TTC27: variants seen among roughly 807,000 people sequenced by gnomAD.
The protein encoded by TTC27 is tetratricopeptide repeat domain 27, also known as tetratricopeptide repeat protein 27.
Under a neutral mutation model 115.9 loss-of-function variants are expected in TTC27, and 79 were observed. The observed-to-expected ratio is 0.68, with a 90% CI of 0.57 to 0.82. The LOEUF (loss-of-function observed/expected upper bound fraction) is 0.82. Among genes scored for constraint, TTC27 ranks in the 40% least tolerant of loss-of-function variants. The pLI, the probability that TTC27 is intolerant of heterozygous loss-of-function variation, is 0.00. For missense variants in TTC27, 1,054 were observed against 993.1 expected (o/e 1.06, Z -0.82); for synonymous variants, 401 against 356.0 (o/e 1.13, Z -1.42).
At chr2:32,635,851 C>A (rs1664404306) in intron 3 of TTC27, among the ~76,000 whole-genome samples, 1 of 152,084 alleles carries the variant, frequency 6.6e-6, no homozygotes, top group African/African-American at 2.4e-5. Context: ...CTTAGTGAGT[C>A]ACTATATATA....
At chr2:32,702,956 A>G in intron 10 of TTC27, 36 bp downstream of exon 10, 1 of 1,413,362 alleles carries the variant, frequency 7.1e-7, no homozygotes, top group Non-Finnish European at 1.0e-6. Context: ...TGCTTCTTCC[A>G]ACTCTCTATT....
At chr2:32,765,483 G>A (rs1326343193) in intron 13 of TTC27, among the ~76,000 whole-genome samples, 1 of 151,952 alleles carries the variant, frequency 6.6e-6, no homozygotes, top group Non-Finnish European at 1.5e-5. Context: ...AGGCAGAGTA[G>A]GTTTAGCCTA....
At chr2:32,761,004 A>G (rs1203161197) in intron 13 of TTC27, among the ~76,000 whole-genome samples, 1 of 152,100 alleles carries the variant, frequency 6.6e-6, no homozygotes, top group Admixed American at 6.5e-5. Context: ...AGTTCCAACT[A>G]TACACTGACA....
At position 32,664,403 on chromosome 2, in the gene TTC27, C is replaced by G; in HGVS notation, c.741C>G (p.Tyr247Ter). ...CAYVFLYYYE[Y>*]RKAKDQLDIA... ...ATGTGTTTTTATATTATTATGAGTA[C>G]AGAAAAGCAAAAGATCAGTTGGATA... Residue 247 changes from tyrosine (Y) to a stop codon, truncating the protein, a stop_gained, in exon 6 of 20, where the codon TAC becomes TAG. Coordinates refer to ENST00000317907, the MANE Select transcript of TTC27 (RefSeq NM_017735.5). LOFTEE classifies it high-confidence loss of function. 1 of 1,612,412 alleles carries G rather than the reference C, an allele frequency of 6.2e-7. No individual in the cohort carries two copies. Among genetic ancestry groups the G allele is most frequent in the South Asian group, 1.1e-5 (1 of 90,546 alleles).
At chr2:32,729,763 G>C (rs954177607) in intron 10 of TTC27, among the ~76,000 whole-genome samples, 1 of 152,016 alleles carries the variant, frequency 6.6e-6, no homozygotes, top group Non-Finnish European at 1.5e-5. Flanking sequence ...AGAGTAGACT[G>C]TCTTGCTTCA....
intron 16 of TTC27, among the ~76,000 whole-genome samples, chr2:32,808,827 A>G (rs1464701350): frequency 6.6e-6 from 1 of 152,226 alleles, no homozygotes; most frequent in Non-Finnish European, 1.5e-5. Flanking sequence ...TGTACATGTT[A>G]GTAACTATTT....
intron 12 of TTC27, among the ~76,000 whole-genome samples, chr2:32,744,344 T>G (rs573051923): frequency 1.7e-3 from 260 of 152,360 alleles, no homozygotes; most frequent in Middle Eastern, 3.4e-3. Flanking sequence ...AAATTTAGTT[T>G]TGATCTTCTA....
chr2:32,668,343 T>C (rs1324233541), intron 7 of TTC27, among the ~76,000 whole-genome samples: 1 of 146,086 alleles, frequency 6.8e-6, no homozygotes, highest in Non-Finnish European at 1.5e-5. Context: ...ATCATTGAAC[T>C]CCAGCCTGGG....
At chr2:32,775,804 GA>G (rs1215914280) in intron 13 of TTC27, among the ~76,000 whole-genome samples, 1 of 152,066 alleles carries the variant, frequency 6.6e-6, no homozygotes, top group African/African-American at 2.4e-5. Flanking sequence ...AAATGGTGGG[GA>G]AAAAAGTACA....
chr2:32,645,198 C>T (rs1275392696), intron 4 of TTC27, among the ~76,000 whole-genome samples: 1 of 152,116 alleles, frequency 6.6e-6, no homozygotes, highest in Non-Finnish European at 1.5e-5. Context: ...TTTCCCACAA[C>T]CCCTAATCTG....
intron 16 of TTC27, among the ~76,000 whole-genome samples, chr2:32,803,518 T>G (rs1558352424): frequency 6.6e-6 from 1 of 152,204 alleles, no homozygotes; most frequent in Non-Finnish European, 1.5e-5. Flanking sequence ...CATATTAGGA[T>G]CCAACCCACT....
intron 14 of TTC27, among the ~76,000 whole-genome samples, chr2:32,782,095 C>T (rs951521745): frequency 1.3e-5 from 2 of 151,976 alleles, no homozygotes; most frequent in African/African-American, 4.8e-5. Context: ...ATAAATTTAA[C>T]CTGATTAAGC....
At chr2:32,789,815 G>A (rs1162922199) in intron 16 of TTC27, among the ~76,000 whole-genome samples, 1 of 150,688 alleles carries the variant, frequency 6.6e-6, no homozygotes, top group Non-Finnish European at 1.5e-5. Flanking sequence ...GGCTACTCGG[G>A]AGGCTGAGGT....
chr2:32,741,294 C>A (rs184033637), intron 12 of TTC27, among the ~76,000 whole-genome samples: 4 of 152,092 alleles, frequency 2.6e-5, no homozygotes, highest in Non-Finnish European at 5.9e-5. Flanking sequence ...TCTGGTACCC[C>A]ATTTGTTGGC....
intron 10 of TTC27, among the ~76,000 whole-genome samples, chr2:32,706,607 C>T (rs1327920802): frequency 6.6e-6 from 1 of 152,098 alleles, no homozygotes; most frequent in African/African-American, 2.4e-5. Context: ...TCTTGTCGCC[C>T]AGGCTGGAGT....
intron 10 of TTC27, among the ~76,000 whole-genome samples, chr2:32,725,109 C>T (rs1452790041): frequency 6.6e-6 from 1 of 152,150 alleles, no homozygotes; most frequent in Admixed American, 6.5e-5. Flanking sequence ...GGGTCCCTCC[C>T]ACAACATGTG....
In TTC27 at chr2:32,692,036, G is replaced by GTTTTTTTTTTTTTTTTT. The variant is rs779547700; in HGVS notation, c.1120-10761_1120-10745dup. Among the ~76,000 whole-genome samples, 211 of 61,210 alleles carry GTTTTTTTTTTTTTTTTT rather than the reference G, an allele frequency of 3.4e-3. 40 individuals are homozygous for GTTTTTTTTTTTTTTTTT. The highest frequency in any genetic ancestry group is 6.7e-3 in the East Asian group (11 of 1,652). 40.2% of individuals were successfully genotyped at this position (61,210 alleles called of 152,430 possible). On this transcript the variant is annotated intron_variant, in intron 9 of 19. Transcript: ENST00000317907. ...GGGATATTCTTTTTTAATTTTTTAG[G>GTTTTTTTTTTTTTTTTT]TTTTTTTTTTTTTTTTTTTTTTTTT... is the stretch of plus-strand genomic sequence containing the variant.
intron 15 of TTC27, among the ~76,000 whole-genome samples, chr2:32,785,974 C>A (rs765617763): frequency 1.3e-5 from 2 of 152,070 alleles, no homozygotes; most frequent in Non-Finnish European, 2.9e-5. Flanking sequence ...TTCATTTCTC[C>A]CTGTTTTTGT....
chr2:32,703,798 G>T (rs1018285831), intron 10 of TTC27, among the ~76,000 whole-genome samples: 1 of 152,150 alleles, frequency 6.6e-6, no homozygotes, highest in Non-Finnish European at 1.5e-5. Context: ...GTAGGATTTC[G>T]TAACGTCAAT....
Sources: gnomAD v4.1 joint callset for allele counts (sites outside exome capture counted in the v4.1 genomes callset) on GRCh38, gnomAD v4.1.1 for gene constraint, MANE v1.5 for transcripts, NCBI Gene and HGNC (gene_info 2026-07-23, HGNC 2026-07-21) for gene names.